Variants in GALK2 observed in about 807,000 individuals in gnomAD.
The protein encoded by GALK2 is N-acetylgalactosamine kinase.
In GALK2, 36 loss-of-function variants were observed where a neutral mutation model predicts 52.4. The ratio of observed to expected loss-of-function variants is 0.69; its 90% CI spans 0.53 to 0.91. The LOEUF is 0.91. Ranked by LOEUF, GALK2 falls within the 40% of genes least tolerant of loss-of-function variation. The pLI, the probability that GALK2 is intolerant of heterozygous loss-of-function variation, is 0.00. For missense variants in GALK2, 579 were observed against 559.1 expected, an observed-to-expected ratio of 1.04 and a Z score of -0.36; for synonymous variants, 176 against 199.1, an observed-to-expected ratio of 0.88 and a Z score of 0.98.
intron 3 of GALK2, among the ~76,000 whole-genome samples, chr15:49,220,344 T>C (rs780064216): frequency 3.3e-5 from 5 of 152,174 alleles, no homozygotes; most frequent in Non-Finnish European, 5.9e-5. Context: ...TTCCCACATA[T>C]GAGTGAGAAT....
At position 49,328,257 on chromosome 15, in the gene GALK2, A is replaced by G. The variant is rs2037875496; in HGVS notation, c.*98A>G. 6.8e-7 allele frequency: 1 copy of G among 1,472,046 alleles called. No individual in the cohort carries two copies. Among genetic ancestry groups the G allele is most frequent in the African/African-American group, 1.4e-5 (1 of 70,366 alleles). The allele number at this position is 1,472,046 out of a possible 1,614,324, so 91.2% of individuals were successfully genotyped here. ...ATTAATCTTCCTTCTGTTTTGTATT[A>G]TGATGAACGGTTGCTATTATATCAA... is the stretch of plus-strand genomic sequence containing the variant. On this transcript the variant is annotated 3_prime_UTR_variant, in exon 10 of 10. Coordinates refer to ENST00000560031, the MANE Select transcript of GALK2 (RefSeq NM_002044.4).
chr15:49,354,552 G>A (rs1045802849), intron 3 of GALK2, among the ~76,000 whole-genome samples: 3 of 152,188 alleles, frequency 2.0e-5, no homozygotes, highest in South Asian at 2.1e-4. Context: ...CTTAAAAAAC[G>A]GCGCACCACG....
chr15:49,309,891 C>A (rs1810351076), intron 8 of GALK2, among the ~76,000 whole-genome samples: 1 of 152,150 alleles, frequency 6.6e-6, no homozygotes, highest in Non-Finnish European at 1.5e-5. Context: ...CAGGCATGAG[C>A]CACTGTGCTG....
intron 5 of GALK2, among the ~76,000 whole-genome samples, chr15:49,264,358 G>T (rs868540255): frequency 2.6e-5 from 4 of 151,934 alleles, no homozygotes; most frequent in African/African-American, 9.7e-5. Context: ...CCAGTTGATC[G>T]CATCGGCTCC....
intron 3 of GALK2, among the ~76,000 whole-genome samples, chr15:49,217,624 AG>A (rs2089486485): frequency 6.6e-6 from 1 of 152,196 alleles, no homozygotes; most frequent in Non-Finnish European, 1.5e-5. Flanking sequence ...CAGCAAAGTC[AG>A]GTCTGATGTT....
At chr15:49,335,515 A>C, downstream of GALK2, 1 of 1,592,064 alleles carries the variant, frequency 6.3e-7, no homozygotes, top group Non-Finnish European at 8.6e-7. Flanking sequence ...CTTATTATTA[A>C]GGAATGATTT....
At chr15:49,251,883 G>A (rs536987854) in intron 5 of GALK2, among the ~76,000 whole-genome samples, 1 of 152,228 alleles carries the variant, frequency 6.6e-6, no homozygotes, top group East Asian at 1.9e-4. Flanking sequence ...GATTTTTAAT[G>A]AATCCTTCCA....
upstream of GALK2, among the ~76,000 whole-genome samples, chr15:49,165,985 G>A (rs2084807590): frequency 6.6e-6 from 1 of 151,844 alleles, no homozygotes; most frequent in African/African-American, 2.4e-5. Flanking sequence ...TGTATTTTTA[G>A]TAGAGATGGG....
At chr15:49,166,588 T>C (rs1045026376), upstream of GALK2, among the ~76,000 whole-genome samples, 3 of 152,018 alleles carry the variant, frequency 2.0e-5, no homozygotes, top group African/African-American at 7.2e-5. Flanking sequence ...CAGGCACCTG[T>C]AATCCCAGCT....
intron 3 of GALK2, among the ~76,000 whole-genome samples, chr15:49,226,147 C>T (rs2090123016): frequency 6.6e-6 from 1 of 152,176 alleles, no homozygotes; most frequent in East Asian, 1.9e-4. Flanking sequence ...GTGTGCCAAA[C>T]CTCCATTCCA....
intron 2 of GALK2, among the ~76,000 whole-genome samples, chr15:49,206,929 A>C (rs1401825567): frequency 6.6e-6 from 1 of 152,124 alleles, no homozygotes; most frequent in East Asian, 1.9e-4. Context: ...TCTCAGAGGG[A>C]ATGCTTTCAA....
At chr15:49,267,842 AT>A (rs1175837541) in intron 5 of GALK2, among the ~76,000 whole-genome samples, 2 of 152,000 alleles carry the variant, frequency 1.3e-5, no homozygotes, top group African/African-American at 2.4e-5. Flanking sequence ...AATTTTCTAG[AT>A]TTTTTTTCTG....
chr15:49,275,726 A>G (rs1646098103), intron 5 of GALK2, among the ~76,000 whole-genome samples: 1 of 152,100 alleles, frequency 6.6e-6, no homozygotes, highest in Non-Finnish European at 1.5e-5. Context: ...TATTATTATT[A>G]TTGTTTTTTT....
intron 3 of GALK2, among the ~76,000 whole-genome samples, chr15:49,353,317 C>T (rs1253596224): frequency 6.6e-6 from 1 of 152,102 alleles, no homozygotes; most frequent in Non-Finnish European, 1.5e-5. Context: ...TATGTTTCCT[C>T]TCTGATCCTC....
chr15:49,307,685 T>C (rs1410074663), intron 8 of GALK2, among the ~76,000 whole-genome samples: 1 of 152,110 alleles, frequency 6.6e-6, no homozygotes, highest in Non-Finnish European at 1.5e-5. Context: ...CGGAGTAAAA[T>C]GTACTATGGA....
intron 1 of GALK2, among the ~76,000 whole-genome samples, chr15:49,189,031 A>G (rs1349572823): frequency 6.6e-6 from 1 of 152,208 alleles, no homozygotes; most frequent in Non-Finnish European, 1.5e-5. Context: ...CTTACCATGC[A>G]GGCTAAAACT....
chr15:49,276,120 A>C (rs1361146261), intron 5 of GALK2, among the ~76,000 whole-genome samples: 1 of 152,194 alleles, frequency 6.6e-6, no homozygotes, highest in Non-Finnish European at 1.5e-5. Context: ...TGTCTTCCCT[A>C]ATGATTCTCA....
At chr15:49,181,676 T>A (rs1460147096) in intron 1 of GALK2, among the ~76,000 whole-genome samples, 1 of 151,830 alleles carries the variant, frequency 6.6e-6, no homozygotes, top group Non-Finnish European at 1.5e-5. Flanking sequence ...CATGCCTGGC[T>A]AATTTTTGTA....
chr15:49,319,472 A>C, intron 8 of GALK2, 132 bp from the exon 9 acceptor site: 1 of 690,340 alleles, frequency 1.4e-6, no homozygotes, highest in Non-Finnish European at 2.4e-6. Flanking sequence ...CCTTTCAGCA[A>C]GAGAGACCTA....
Sources: allele counts gnomAD v4.1 joint callset (sites outside exome capture counted in the v4.1 genomes callset), GRCh38; gene constraint gnomAD v4.1.1; transcripts MANE v1.5; gene names NCBI Gene and HGNC (gene_info 2026-07-23, HGNC 2026-07-21).